LRRC4C: variants seen among roughly 807,000 people sequenced by gnomAD.
The protein encoded by LRRC4C is leucine rich repeat containing 4C.
A neutral mutation model predicts 33.6 loss-of-function variants in LRRC4C; 5 were observed. The ratio of observed to expected loss-of-function variants is 0.15; its 90% CI spans 0.08 to 0.31. LRRC4C has a LOEUF of 0.31. LRRC4C is among the 10% of genes least tolerant of loss of function. The pLI, the probability that LRRC4C is intolerant of heterozygous loss-of-function variation, is 1.00. For missense variants in LRRC4C, 560 were observed against 796.7 expected, an observed-to-expected ratio of 0.70 and a Z score of 3.58; for synonymous variants, 329 against 302.0, an observed-to-expected ratio of 1.09 and a Z score of -0.93.
chr11:40,521,273 T>C (rs1039616714), intron 3 of LRRC4C, among the ~76,000 whole-genome samples: 3 of 152,192 alleles, frequency 2.0e-5, no homozygotes, highest in Admixed American at 6.5e-5. Context: ...AAAAGATGGG[T>C]CCATGAGACA....
chr11:41,051,547 A>AAAAAAAAAAAAAAAAG (rs1858220640), intron 1 of LRRC4C, among the ~76,000 whole-genome samples: 1 of 141,682 alleles, frequency 7.1e-6, no homozygotes, highest in Non-Finnish European at 1.5e-5. Flanking sequence ...AAAAAAAAAA[A>AAAAAAAAAAAAAAAAG]AAAAAAGGAA....
intron 1 of LRRC4C, among the ~76,000 whole-genome samples, chr11:41,251,502 T>A (rs1445605613): frequency 6.6e-6 from 1 of 152,174 alleles, no homozygotes; most frequent in African/African-American, 2.4e-5. Context: ...TATCACTTAC[T>A]CCTCCTTTTG....
At chr11:41,245,311 C>T (rs909538363) in intron 1 of LRRC4C, among the ~76,000 whole-genome samples, 1 of 152,110 alleles carries the variant, frequency 6.6e-6, no homozygotes, top group Non-Finnish European at 1.5e-5. Context: ...ATGTCACTGG[C>T]CTGGATCCCA....
intron 1 of LRRC4C, among the ~76,000 whole-genome samples, chr11:41,450,914 C>G (rs1210922959): frequency 6.6e-6 from 1 of 152,124 alleles, no homozygotes; most frequent in African/African-American, 2.4e-5. Flanking sequence ...CTTCTTTAAT[C>G]TTTCCCAACC....
chr11:40,586,135 G>C (rs1262041743), intron 3 of LRRC4C, among the ~76,000 whole-genome samples: 2 of 150,776 alleles, frequency 1.3e-5, no homozygotes, highest in East Asian at 1.9e-4. Context: ...TCCAGCACCT[G>C]TTGTTTCCTG....
chr11:41,297,923 A>G (rs1410207272), intron 1 of LRRC4C, among the ~76,000 whole-genome samples: 1 of 152,174 alleles, frequency 6.6e-6, no homozygotes, highest in Non-Finnish European at 1.5e-5. Flanking sequence ...ATTACTTTTA[A>G]TTTTTAATAA....
At chr11:40,345,863 A>T (rs1206058099) in intron 3 of LRRC4C, among the ~76,000 whole-genome samples, 1 of 138,476 alleles carries the variant, frequency 7.2e-6, no homozygotes, top group African/African-American at 2.6e-5. Context: ...GGAAAAACCA[A>T]ACAACACCAT....
chr11:41,003,269 A>C lies in LRRC4C; in HGVS notation c.-495-69546T>G, dbSNP rs1208728826. Among the ~76,000 whole-genome samples the C allele has an allele frequency of 2.0e-5, 3 of 152,198 alleles. No homozygotes were observed. In the South Asian group the frequency reaches 6.2e-4, roughly 31 times the overall value. On this transcript the variant is annotated intron_variant, in intron 1 of 6. Transcript: ENST00000528697. ...GGAGTAATCATAATTCAATTTAATG[A>C]AAGCAAAAATGTCTATATGTAAAGT... is the stretch of plus-strand genomic sequence containing the variant.
Position 41,164,173 on chromosome 11 carries a change from T to A in LRRC4C, c.-495-230450A>T, listed in dbSNP as rs182604112. ...ATTTAAATCCTTATTACATACTTCT[T>A]TTTCTTTTACCTTTTTTATTTTTTT... On this transcript the variant is annotated intron_variant, in intron 1 of 6. Coordinates refer to ENST00000528697, the MANE Select transcript of LRRC4C (RefSeq NM_001258419.2). Among the ~76,000 whole-genome samples, 407 of 143,404 alleles carry A rather than the reference T, an allele frequency of 2.8e-3. 2 individuals carry two copies. Among genetic ancestry groups the A allele is most frequent in the African/African-American group, 9.8e-3 (387 of 39,554 alleles). 94.1% of individuals were successfully genotyped at this position (143,404 alleles called of 152,430 possible). A position where few individuals can be genotyped will look rare whatever the true frequency, so the allele number is the denominator to read the frequency against.
chr11:40,631,399 CCA>C (rs1305325362), intron 3 of LRRC4C, among the ~76,000 whole-genome samples: 1 of 152,068 alleles, frequency 6.6e-6, no homozygotes. Flanking sequence ...ATGTTTGGGG[CCA>C]GAGTCACTTT....
chr11:40,119,705 T>C (rs945843672), intron 6 of LRRC4C, among the ~76,000 whole-genome samples: 1 of 152,230 alleles, frequency 6.6e-6, no homozygotes, highest in African/African-American at 2.4e-5. Flanking sequence ...GTTCTAACAT[T>C]TGAGGCCTTG....
chr11:40,218,174 A>G (rs920270160), intron 5 of LRRC4C, among the ~76,000 whole-genome samples: 2 of 152,124 alleles, frequency 1.3e-5, no homozygotes, highest in Non-Finnish European at 2.9e-5. Context: ...TTATCCCAAA[A>G]TGTTTTGCAT....
At chr11:40,330,152 T>C (rs1946294428) in intron 3 of LRRC4C, among the ~76,000 whole-genome samples, 1 of 152,138 alleles carries the variant, frequency 6.6e-6, no homozygotes, top group Non-Finnish European at 1.5e-5. Flanking sequence ...CTATAAAAAT[T>C]ACAATTACTT....
intron 1 of LRRC4C, among the ~76,000 whole-genome samples, chr11:41,052,133 T>G (rs1271590786): frequency 6.6e-6 from 1 of 152,126 alleles, no homozygotes; most frequent in Non-Finnish European, 1.5e-5. Context: ...CTTTTTCCCT[T>G]GCATCCACTG....
chr11:40,938,922 G>C (rs1432579758), intron 1 of LRRC4C, among the ~76,000 whole-genome samples: 3 of 152,080 alleles, frequency 2.0e-5, no homozygotes, highest in Admixed American at 6.6e-5. Context: ...ATCTACTGAA[G>C]GTAAGTGGGT....
intron 2 of LRRC4C, among the ~76,000 whole-genome samples, chr11:40,903,306 A>C (rs1035560526): frequency 6.6e-6 from 1 of 152,170 alleles, no homozygotes; most frequent in African/African-American, 2.4e-5. Flanking sequence ...ACTGCTAAGG[A>C]AAAAAATAAT....
At chr11:40,345,084 A>T (rs1947061887) in intron 3 of LRRC4C, among the ~76,000 whole-genome samples, 1 of 152,206 alleles carries the variant, frequency 6.6e-6, no homozygotes, top group Non-Finnish European at 1.5e-5. Context: ...TGCCCAAAGT[A>T]ATTTACAGAA....
chr11:40,980,119 T>C (rs1292220005), intron 1 of LRRC4C, among the ~76,000 whole-genome samples: 5 of 152,264 alleles, frequency 3.3e-5, no homozygotes, highest in East Asian at 1.9e-4. Context: ...CTACAGACAA[T>C]AATACAATGA....
intron 1 of LRRC4C, among the ~76,000 whole-genome samples, chr11:41,107,695 T>C (rs1941587024): frequency 2.6e-5 from 4 of 152,108 alleles, no homozygotes. Context: ...CCCAGCACTT[T>C]GATAGGCCGA....
Sources: gnomAD v4.1 joint callset for allele counts (sites outside exome capture counted in the v4.1 genomes callset) on GRCh38, gnomAD v4.1.1 for gene constraint, MANE v1.5 for transcripts, NCBI Gene and HGNC (gene_info 2026-07-23, HGNC 2026-07-21) for gene names.